PIK3R4: variants seen among roughly 807,000 people sequenced by gnomAD.
PIK3R4 encodes the protein phosphoinositide 3-kinase regulatory subunit 4.
PIK3R4 carries 46 observed loss-of-function variants against 136.5 expected under a neutral mutation model. The ratio of observed to expected loss-of-function variants is 0.34; its 90% CI spans 0.27 to 0.43. PIK3R4 has a LOEUF of 0.43. PIK3R4 is among the 20% of genes least tolerant of loss of function. The pLI is 1.00. For synonymous variants in PIK3R4, 557 were observed against 566.7 expected (o/e 0.98, Z 0.24); for missense variants, 1,331 against 1,649.5 (o/e 0.81, Z 3.35).
In PIK3R4 at chr3:130,743,610, G is replaced by A. The variant is rs79620624; in HGVS notation, c.733+876C>T. Among the ~76,000 whole-genome samples, 1,286 of 152,166 alleles carry A rather than the reference G, an allele frequency of 8.5e-3. 19 individuals carry two copies. Among genetic ancestry groups the A allele is most frequent in the East Asian group, 0.053 (272 of 5,176 alleles). On this transcript the variant is annotated intron_variant, in intron 2 of 19. Transcript: ENST00000356763. ...TCACCATCCACTCAGTTTGGTGGGCGAGAGAAGTTCCTGTGACTTCACCTT... is the reference window on the plus strand; with the variant it reads ...TCACCATCCACTCAGTTTGGTGGGCAAGAGAAGTTCCTGTGACTTCACCTT...
chr3:130,703,840 G>C lies in PIK3R4; in HGVS notation c.2981C>G (p.Ser994Cys), dbSNP rs761675289. 3.1e-6 allele frequency: 5 copies of C among 1,612,586 alleles called. No homozygotes were observed. The East Asian group carries it at 8.9e-5, about 29-fold the overall frequency. The change falls in exon 13 of 20, where the codon TCT (serine) becomes TGT (cysteine). Residue 994 changes from serine (S) to cysteine (C), a missense_variant. Physicochemically the swap from Ser to Cys is moderately radical, Grantham distance 112. Around this residue, in one of 2 missense-constraint regions of PIK3R4, gnomAD observed 1,180 missense variants for 1,407.0 expected, o/e 0.84. Transcript: ENST00000356763. ...AGAGACTCTAATTCGATTCACAGCA[G>C]ATTTATGCTCATGAAGATGGGCAAC... ...LLVAHLHEHK[S>C]AVNRIRVSDE...
intron 13 of PIK3R4, among the ~76,000 whole-genome samples, chr3:130,690,894 C>CTTTT (rs1247659280): frequency 2.3e-5 from 3 of 131,840 alleles, no homozygotes; most frequent in African/African-American, 3.1e-5. Flanking sequence ...TCCTTCTCCT[C>CTTTT]TTTTTTTTTT....
At position 130,680,714 on chromosome 3, in the gene PIK3R4, C is replaced by T; in HGVS notation, c.3805G>A (p.Asp1269Asn). 6.2e-7 allele frequency: 1 copy of T among 1,600,288 alleles called. No homozygotes were observed. Among genetic ancestry groups the T allele is most frequent in the Non-Finnish European group, 8.6e-7 (1 of 1,168,646 alleles). Residue 1269 changes from aspartate (D) to asparagine (N), a missense_variant, in exon 19 of 20, where the codon GAC becomes AAC. Coordinates refer to ENST00000356763, the MANE Select transcript of PIK3R4 (RefSeq NM_014602.3). ...AGSDMKIRFW[D>N]LAYPERSYVV... is the part of the protein sequence containing the mutation. ...TAGGACCTTTCTGGGTAAGCCAAGT[C>T]CCAAAACCTAGGAAAGAGGAAATAA... is the stretch of plus-strand genomic sequence containing the variant.
chr3:130,698,548 A>C lies in PIK3R4; in HGVS notation c.3098+5175T>G, dbSNP rs76640346. On this transcript the variant is annotated intron_variant, in intron 13 of 19. Transcript: ENST00000356763. ...CCAGAATTTCTATTTTATGATTTCT[A>C]TCTCTTTATTGATATTGTCTATTTG... Among the ~76,000 whole-genome samples, 18 of 152,238 alleles carry C rather than the reference A, an allele frequency of 1.2e-4. No homozygotes were observed. In the East Asian group the frequency reaches 3.5e-3, roughly 29 times the overall value.
At chr3:130,699,937 C>G (rs1436934705) in intron 13 of PIK3R4, among the ~76,000 whole-genome samples, 1 of 152,034 alleles carries the variant, frequency 6.6e-6, no homozygotes, top group East Asian at 1.9e-4. Context: ...AAAAAAACCT[C>G]CAGGAAAGAG....
intron 11 of PIK3R4, among the ~76,000 whole-genome samples, chr3:130,706,555 T>C (rs2107608309): frequency 6.6e-6 from 1 of 152,342 alleles, no homozygotes; most frequent in African/African-American, 2.4e-5. Context: ...TCATGACATT[T>C]ATCACACGTA....
At chr3:130,737,633 C>G (rs1440264306) in intron 2 of PIK3R4, among the ~76,000 whole-genome samples, 1 of 152,136 alleles carries the variant, frequency 6.6e-6, no homozygotes, top group African/African-American at 2.4e-5. Flanking sequence ...ACACTCCAGC[C>G]TGGGCAACAG....
rs1438133990 is a variant in PIK3R4, at chr3:130,718,402, T to G, written c.2114A>C (p.Gln705Pro). ...GAACATGTATACCTGTATTATTGGT[T>G]GGGTAATATATGGGTCAAGATAAGG... ...LMPYLDPYIT[Q>P]PIIQIERKLV... The change falls in exon 8 of 20, where the codon CAA becomes CCA. Residue 705 changes from glutamine (Q) to proline (P), a missense_variant. Coordinates refer to ENST00000356763, the MANE Select transcript of PIK3R4 (RefSeq NM_014602.3). 1.2e-6 allele frequency: 2 copies of G among 1,613,444 alleles called. No homozygotes were observed. The highest frequency in any genetic ancestry group is 2.7e-5 in the African/African-American group (2 of 74,898).
chr3:130,696,686 G>T (rs772250335), intron 13 of PIK3R4, among the ~76,000 whole-genome samples: 12 of 152,120 alleles, frequency 7.9e-5, no homozygotes, highest in African/African-American at 2.9e-4. Context: ...ATATAGAAAA[G>T]ATTACATGTA....
chr3:130,679,510 A>T, intron 19 of PIK3R4, 25 bp from the exon 20 acceptor site: 1 of 1,584,120 alleles, frequency 6.3e-7, no homozygotes, highest in East Asian at 2.3e-5. Context: ...AAAGGGAGCA[A>T]GCCAGAGGTT....
Position 130,686,259 on chromosome 3 carries a change from G to C in PIK3R4, c.3427C>G (p.Leu1143Val), listed in dbSNP as rs761293366. 1 of 1,613,490 alleles carries C rather than the reference G, an allele frequency of 6.2e-7. No individual in the cohort carries two copies. The highest frequency in any genetic ancestry group is 1.1e-5 in the South Asian group (1 of 91,056). Residue 1143 changes from leucine (L) to valine (V), a missense_variant, in exon 15 of 20, where the codon CTC becomes GTC. By Grantham distance (32) the Leu-to-Val change is conservative. This residue lies in a region of PIK3R4 where 1,180 missense variants were observed against 1,407.0 expected (regional missense o/e 0.84). Coordinates refer to ENST00000356763, the MANE Select transcript of PIK3R4 (RefSeq NM_014602.3). ...ATGTCCACAGCAAAGGAAGTGATGA[G>C]GCCCGACTTTAAATCATGCTTTAAA... ...WTLKHDLKSG[L>V]ITSFAVDIHQ...
At chr3:130,715,082 T>C (rs2066655771) in intron 9 of PIK3R4, among the ~76,000 whole-genome samples, 1 of 151,682 alleles carries the variant, frequency 6.6e-6, no homozygotes, top group African/African-American at 2.4e-5. Context: ...AAAGTATTCC[T>C]ATTTCTCCAC....
chr3:130,746,065 G>A (rs1181372030), intron 1 of PIK3R4, among the ~76,000 whole-genome samples: 1 of 151,792 alleles, frequency 6.6e-6, no homozygotes, highest in Non-Finnish European at 1.5e-5. Flanking sequence ...AACTGAAAAG[G>A]TCAAACTAAG....
chr3:130,737,615 G>A (rs913464647), intron 2 of PIK3R4, among the ~76,000 whole-genome samples: 33 of 152,178 alleles, frequency 2.2e-4, no homozygotes, highest in African/African-American at 6.3e-4. Flanking sequence ...AGCAGAGATC[G>A]GGCCACTACA....
chr3:130,735,575 C>T (rs1384283606), intron 3 of PIK3R4, among the ~76,000 whole-genome samples: 1 of 152,222 alleles, frequency 6.6e-6, no homozygotes, highest in East Asian at 1.9e-4. Flanking sequence ...ACAACCTCTC[C>T]AACCCCTAGA....
intron 9 of PIK3R4, among the ~76,000 whole-genome samples, chr3:130,711,100 T>C (rs2066630260): frequency 1.3e-5 from 2 of 152,000 alleles, no homozygotes; most frequent in Admixed American, 1.3e-4. Flanking sequence ...AGTGCAGTAC[T>C]AGTGTTAAGT....
intron 9 of PIK3R4, among the ~76,000 whole-genome samples, chr3:130,716,061 C>T (rs1304622039): frequency 2.0e-5 from 3 of 152,166 alleles, no homozygotes; most frequent in African/African-American, 7.2e-5. Context: ...AATTTCATTA[C>T]ATTTTTGGTA....
rs201917744 is a variant in PIK3R4 at position 130,680,640 on chromosome 3, T to C, written c.3879A>G (p.Lys1293=). ...TSSPSVSYYR[K]IIEGTEVVQE... is the part of the protein sequence containing the mutation. ...GGACAACTTCAGTGCCTTCAATTAT[T>C]TTCCTGTAGTAGGACACAGATGGGG... Residue 1293 remains lysine (K), a synonymous_variant, in exon 19 of 20, where the codon AAA becomes AAG. Transcript: ENST00000356763. The C allele has an allele frequency of 1.9e-4, 299 of 1,610,254 alleles. No individual in the cohort carries two copies. Among genetic ancestry groups the C allele is most frequent in the Admixed American group, 3.5e-4 (21 of 59,934 alleles).
chr3:130,681,607 G>A lies in PIK3R4; in HGVS notation c.3608-16C>T, dbSNP rs1335161203. On this transcript the variant is annotated splice_polypyrimidine_tract_variant and intron_variant, in intron 16 of 19. Transcript: ENST00000356763. ...CCCTGAACAGCTAAAGGAAACAAAG[G>A]CCAGAATCTTGACTCAGACAAAAAG... 1 of 1,477,168 alleles carries A rather than the reference G, an allele frequency of 6.8e-7. No individual in the cohort carries two copies. Among genetic ancestry groups the A allele is most frequent in the African/African-American group, 1.4e-5 (1 of 72,106 alleles). 91.5% of individuals were successfully genotyped at this position (1,477,168 alleles called of 1,614,324 possible). A position where few individuals can be genotyped will look rare whatever the true frequency, so the allele number is the denominator to read the frequency against.
Sources: allele counts gnomAD v4.1 joint callset (sites outside exome capture counted in the v4.1 genomes callset), GRCh38; gene constraint gnomAD v4.1.1; regional missense constraint gnomAD v4.1.1; transcripts MANE v1.5; gene names NCBI Gene and HGNC (gene_info 2026-07-23, HGNC 2026-07-21).